The following FOXP1 variants were observed in gnomAD, a reference collection of about 807,000 sequenced individuals.
FOXP1 encodes forkhead box P1, also known as forkhead box protein P1.
FOXP1 carries 15 observed loss-of-function variants against 98.2 expected under a neutral mutation model. The ratio of observed to expected loss-of-function variants is 0.15; its 90% CI spans 0.10 to 0.24. FOXP1 has a LOEUF of 0.24. Ranked by LOEUF, FOXP1 falls within the 10% of genes least tolerant of loss-of-function variation. The pLI, the probability that FOXP1 is intolerant of heterozygous loss-of-function variation, is 1.00. For missense variants in FOXP1, 633 were observed against 848.5 expected (o/e 0.75, Z 3.15); for synonymous variants, 371 against 314.5 (o/e 1.18, Z -1.90).
chr3:71,041,896 GT>G, intron 10 of FOXP1, among the ~76,000 whole-genome samples: 1 of 152,172 alleles, frequency 6.6e-6, no homozygotes, highest in African/African-American at 2.4e-5. Flanking sequence ...AAATAAATTT[GT>G]TCAACTATAC....
chr3:71,514,567 T>C (rs1431994769), intron 2 of FOXP1, among the ~76,000 whole-genome samples: 4 of 152,240 alleles, frequency 2.6e-5, no homozygotes, highest in African/African-American at 9.6e-5. Flanking sequence ...ACTTGGTAAA[T>C]ATCTGTTGAC....
At chr3:71,287,943 C>G (rs565326115) in intron 5 of FOXP1, among the ~76,000 whole-genome samples, 24 of 152,004 alleles carry the variant, frequency 1.6e-4, no homozygotes, top group Admixed American at 1.2e-3. Context: ...TGCAATGGCA[C>G]GATCTTGGCT....
At chr3:71,521,103 G>C (rs919256593) in intron 2 of FOXP1, among the ~76,000 whole-genome samples, 5 of 152,180 alleles carry the variant, frequency 3.3e-5, no homozygotes, top group Non-Finnish European at 7.3e-5. Flanking sequence ...GAAAGTCAAG[G>C]CTAGGTGGTG....
chr3:71,396,135 T>TAG (rs1409629593), intron 3 of FOXP1, among the ~76,000 whole-genome samples: 1 of 152,130 alleles, frequency 6.6e-6, no homozygotes. Context: ...AGTCAAGTCT[T>TAG]AGAGTTCAGT....
intron 5 of FOXP1, among the ~76,000 whole-genome samples, chr3:71,298,741 C>T (rs909748373): frequency 6.6e-6 from 1 of 151,974 alleles, no homozygotes; most frequent in East Asian, 1.9e-4. Context: ...AAATCCATAT[C>T]CTTTATATAT....
chr3:71,141,760 T>C (rs895593617), intron 6 of FOXP1, among the ~76,000 whole-genome samples: 5 of 151,966 alleles, frequency 3.3e-5, no homozygotes, highest in African/African-American at 1.2e-4. Flanking sequence ...TTAGAGCCAC[T>C]GTGAAGGAAG....
At chr3:71,290,383 A>G (rs1186459079) in intron 5 of FOXP1, among the ~76,000 whole-genome samples, 1 of 152,216 alleles carries the variant, frequency 6.6e-6, no homozygotes, top group Non-Finnish European at 1.5e-5. Context: ...TTTCACTAGG[A>G]AATCCTTTGG....
At chr3:71,364,113 C>G (rs566118362) in intron 3 of FOXP1, among the ~76,000 whole-genome samples, 174 of 152,306 alleles carry the variant, frequency 1.1e-3, no homozygotes, top group Middle Eastern at 3.4e-3. Flanking sequence ...TGCCATCACA[C>G]CCGGCTAATT....
At chr3:71,491,783 T>C (rs1489756224) in intron 3 of FOXP1, among the ~76,000 whole-genome samples, 1 of 152,170 alleles carries the variant, frequency 6.6e-6, no homozygotes, top group African/African-American at 2.4e-5. Flanking sequence ...CTCTGGACAA[T>C]AAAACTAAAG....
intron 18 of FOXP1, chr3:70,971,831 A>G (rs2036325051): frequency 7.0e-6 from 3 of 430,762 alleles, no homozygotes; most frequent in South Asian, 1.9e-4. Context: ...AGCATTATTC[A>G]AGGCACTGGT....
At chr3:71,159,789 A>T (rs1408713620) in intron 6 of FOXP1, among the ~76,000 whole-genome samples, 1 of 152,246 alleles carries the variant, frequency 6.6e-6, no homozygotes, top group African/African-American at 2.4e-5. Flanking sequence ...TGGGTTTATC[A>T]ATGATAATAC....
At chr3:71,458,650 T>G (rs941524130) in intron 3 of FOXP1, among the ~76,000 whole-genome samples, 7 of 152,360 alleles carry the variant, frequency 4.6e-5, no homozygotes, top group Admixed American at 4.6e-4. Context: ...ACATCTTTAT[T>G]CAAATGAAAA....
chr3:70,958,287 G>A lies in FOXP1; in HGVS notation c.*960C>T. On this transcript the variant is annotated 3_prime_UTR_variant, in exon 21 of 21. Transcript: ENST00000649528. ...CAATACTGCTGCGTGGAATGAATCG[G>A]CATTGTTCCTAGAGTTTGTCTCTCT... 1.9e-6 allele frequency: 1 copy of A among 535,846 alleles called. No homozygotes were observed. Among genetic ancestry groups the A allele is most frequent in the African/African-American group, 1.9e-5 (1 of 53,600 alleles). The allele number at this position is 535,846 out of a possible 1,614,324, so 33.2% of individuals were successfully genotyped here.
intron 5 of FOXP1, among the ~76,000 whole-genome samples, chr3:71,233,518 C>T (rs751435882): frequency 1.3e-5 from 2 of 151,670 alleles, no homozygotes; most frequent in Admixed American, 1.3e-4. Flanking sequence ...CCGCTGCCTC[C>T]GGGGTTCAAG....
At chr3:71,088,974 C>T (rs2107586509) in intron 7 of FOXP1, among the ~76,000 whole-genome samples, 1 of 152,290 alleles carries the variant, frequency 6.6e-6, no homozygotes, top group African/African-American at 2.4e-5. Flanking sequence ...GCTCAGGTCA[C>T]ATTTTGACCT....
intron 6 of FOXP1, among the ~76,000 whole-genome samples, chr3:71,139,097 C>A (rs538167736): frequency 5.3e-5 from 8 of 152,196 alleles, no homozygotes; most frequent in African/African-American, 1.9e-4. Flanking sequence ...AGGAAATTTT[C>A]TTTTATGATT....
intron 3 of FOXP1, among the ~76,000 whole-genome samples, chr3:71,474,210 G>C (rs2089614490): frequency 6.6e-6 from 1 of 151,988 alleles, no homozygotes; most frequent in South Asian, 2.1e-4. Context: ...CTTAAGCATA[G>C]TATAATTGAT....
At chr3:71,502,267 C>T (rs1199715130) in intron 2 of FOXP1, among the ~76,000 whole-genome samples, 1 of 152,192 alleles carries the variant, frequency 6.6e-6, no homozygotes, top group African/African-American at 2.4e-5. Context: ...AGTGGCGGCC[C>T]GGTCCCCAAG....
chr3:71,582,976 G>A (rs1378331048), intron 1 of FOXP1, among the ~76,000 whole-genome samples: 2 of 152,108 alleles, frequency 1.3e-5, no homozygotes, highest in African/African-American at 2.4e-5. Context: ...ACACCCGCGG[G>A]GAAAGAAGGG....
Sources: allele counts gnomAD v4.1 joint callset (sites outside exome capture counted in the v4.1 genomes callset), GRCh38; gene constraint gnomAD v4.1.1; transcripts MANE v1.5; gene names NCBI Gene and HGNC (gene_info 2026-07-23, HGNC 2026-07-21).